Variants in TMEM132D observed in about 807,000 individuals in gnomAD.
TMEM132D encodes the protein transmembrane protein 132D, also known as mature OL transmembrane protein.
In TMEM132D, 21 loss-of-function variants were observed where a neutral mutation model predicts 62.3. That is an observed-to-expected ratio of 0.34 (90% CI 0.24 to 0.49). TMEM132D has a LOEUF of 0.49. Ranked by LOEUF, TMEM132D falls within the 20% of genes least tolerant of loss-of-function variation. The pLI is 0.99. For missense variants in TMEM132D, 1,346 were observed against 1,402.8 expected (o/e 0.96, Z 0.65); for synonymous variants, 621 against 575.6 (o/e 1.08, Z -1.13).
At chr12:129,264,828 C>T (rs1450638994) in intron 4 of TMEM132D, among the ~76,000 whole-genome samples, 2 of 152,170 alleles carry the variant, frequency 1.3e-5, no homozygotes, top group African/African-American at 2.4e-5. Flanking sequence ...AAAAACCAAA[C>T]ATTGTATGTT....
At chr12:129,297,120 AC>A (rs1881598138) in intron 4 of TMEM132D, among the ~76,000 whole-genome samples, 2 of 152,034 alleles carry the variant, frequency 1.3e-5, no homozygotes, top group African/African-American at 4.8e-5. Context: ...ACGCAGGGAG[AC>A]CCCCGTCTTT....
chr12:129,484,516 A>T (rs944984056), intron 3 of TMEM132D, among the ~76,000 whole-genome samples: 1 of 152,228 alleles, frequency 6.6e-6, no homozygotes, highest in Non-Finnish European at 1.5e-5. Context: ...TTTGGAGAAA[A>T]GTCACCCAGC....
intron 3 of TMEM132D, among the ~76,000 whole-genome samples, chr12:129,423,763 C>T (rs946210282): frequency 3.3e-5 from 5 of 152,140 alleles, no homozygotes; most frequent in African/African-American, 1.2e-4. Flanking sequence ...TACCCATTGA[C>T]TCGGACTAGA....
At chr12:129,289,547 T>TAAAAAAAAAAAAAAAA (rs59709658) in intron 4 of TMEM132D, among the ~76,000 whole-genome samples, 3 of 91,956 alleles carry the variant, frequency 3.3e-5, no homozygotes, top group South Asian at 3.5e-4. Context: ...TCCATCTCAA[T>TAAAAAAAAAAAAAAAA]AAAAAAAAAA....
intron 4 of TMEM132D, among the ~76,000 whole-genome samples, chr12:129,225,713 A>C (rs953272390): frequency 2.0e-5 from 3 of 152,202 alleles, no homozygotes; most frequent in African/African-American, 7.2e-5. Context: ...ATATGCAATG[A>C]CTTACATGGA....
At chr12:129,250,287 A>G (rs1593311558) in intron 4 of TMEM132D, among the ~76,000 whole-genome samples, 1 of 152,354 alleles carries the variant, frequency 6.6e-6, no homozygotes, top group African/African-American at 2.4e-5. Context: ...ATCACAATGT[A>G]TGTATCACAA....
chr12:129,355,379 G>A (rs904858271), intron 3 of TMEM132D, among the ~76,000 whole-genome samples: 11 of 151,796 alleles, frequency 7.2e-5, no homozygotes, highest in East Asian at 3.9e-4. Context: ...AACCGCCTAC[G>A]TGGGCAACTG....
intron 1 of TMEM132D, among the ~76,000 whole-genome samples, chr12:129,895,094 G>A (rs1336031937): frequency 6.6e-6 from 1 of 152,074 alleles, no homozygotes; most frequent in Non-Finnish European, 1.5e-5. Flanking sequence ...CAGAGTCCTG[G>A]GGTCTCCTTG....
intron 1 of TMEM132D, among the ~76,000 whole-genome samples, chr12:129,820,632 A>G (rs913199768): frequency 6.6e-6 from 1 of 152,232 alleles, no homozygotes; most frequent in Non-Finnish European, 1.5e-5. Context: ...CATCAGCTGA[A>G]AATATATGGG....
intron 2 of TMEM132D, among the ~76,000 whole-genome samples, chr12:129,569,232 G>A (rs888517915): frequency 1.3e-5 from 2 of 152,194 alleles, no homozygotes; most frequent in Non-Finnish European, 2.9e-5. Flanking sequence ...CAATGCTAAA[G>A]ATCTTCTGAC....
At chr12:129,489,728 T>G (rs1566086384) in intron 3 of TMEM132D, among the ~76,000 whole-genome samples, 3 of 152,354 alleles carry the variant, frequency 2.0e-5, no homozygotes, top group South Asian at 2.1e-4. Context: ...AAATAGTAAA[T>G]GAGTTCATAA....
intron 2 of TMEM132D, among the ~76,000 whole-genome samples, chr12:129,646,252 C>G (rs186464221): frequency 5.3e-5 from 8 of 152,188 alleles, no homozygotes; most frequent in Non-Finnish European, 1.5e-5. Context: ...TTCGCACTGT[C>G]TCTTTTATTC....
intron 2 of TMEM132D, among the ~76,000 whole-genome samples, chr12:129,618,609 CA>C (rs1253965102): frequency 6.6e-6 from 1 of 152,206 alleles, no homozygotes; most frequent in African/African-American, 2.4e-5. Flanking sequence ...TAGTGAGAAT[CA>C]AATTCCTTAA....
intron 3 of TMEM132D, among the ~76,000 whole-genome samples, chr12:129,432,223 TTGGA>T (rs952880778): frequency 7.6e-6 from 1 of 132,076 alleles, no homozygotes; most frequent in African/African-American, 2.9e-5. Flanking sequence ...GGATGGATGC[TTGGA>T]TGGATGGATG....
At chr12:129,468,521 C>T (rs1485000212) in intron 3 of TMEM132D, among the ~76,000 whole-genome samples, 3 of 152,188 alleles carry the variant, frequency 2.0e-5, no homozygotes, top group Admixed American at 2.0e-4. Context: ...CCTCCAGCCT[C>T]AGACAAGCTC....
intron 5 of TMEM132D, among the ~76,000 whole-genome samples, chr12:129,107,122 G>A (rs1875526600): frequency 6.6e-6 from 1 of 152,170 alleles, no homozygotes; most frequent in African/African-American, 2.4e-5. Flanking sequence ...ATGGATAAAA[G>A]TGAGAATTCA....
At chr12:129,218,407 G>C (rs1268654940) in intron 4 of TMEM132D, among the ~76,000 whole-genome samples, 1 of 152,146 alleles carries the variant, frequency 6.6e-6, no homozygotes, top group East Asian at 1.9e-4. Context: ...TGGCCATACG[G>C]CATAGCCTAT....
At chr12:129,105,686 T>C (rs1365441755) in intron 5 of TMEM132D, among the ~76,000 whole-genome samples, 1 of 150,864 alleles carries the variant, frequency 6.6e-6, no homozygotes, top group East Asian at 1.9e-4. Flanking sequence ...TCACTGGCCA[T>C]CAGAGAAATG....
At chr12:129,352,378 T>A (rs1249327016) in intron 3 of TMEM132D, among the ~76,000 whole-genome samples, 2 of 151,972 alleles carry the variant, frequency 1.3e-5, no homozygotes, top group East Asian at 3.9e-4. Context: ...GACGCCTTCC[T>A]CCTTTTACTT....
Sources: gnomAD v4.1 joint callset for allele counts (sites outside exome capture counted in the v4.1 genomes callset) on GRCh38, gnomAD v4.1.1 for gene constraint, MANE v1.5 for transcripts, NCBI Gene and HGNC (gene_info 2026-07-23, HGNC 2026-07-21) for gene names.